MSH4: variants seen among roughly 807,000 people sequenced by gnomAD.
The protein encoded by MSH4 is mutS homolog 4, also known as mutS protein homolog 4.
A neutral mutation model predicts 113.7 loss-of-function variants in MSH4; 106 were observed. That is an observed-to-expected ratio of 0.93 (90% CI 0.80 to 1.10). The LOEUF (loss-of-function observed/expected upper bound fraction) is 1.10. Ranked by LOEUF, MSH4 falls within the 50% of genes least tolerant of loss-of-function variation. The probability of loss-of-function intolerance (pLI) is 0.00; values close to 1 mark genes in which losing one functional copy is unlikely to be tolerated. For missense variants in MSH4, 1,061 were observed against 1,093.7 expected, an observed-to-expected ratio of 0.97 and a Z score of 0.42; for synonymous variants, 368 against 380.2, an observed-to-expected ratio of 0.97 and a Z score of 0.37.
chr1:75,910,177 A>G (rs910024366), intron 19 of MSH4, among the ~76,000 whole-genome samples: 1 of 151,986 alleles, frequency 6.6e-6, no homozygotes, highest in Non-Finnish European at 1.5e-5. Flanking sequence ...TTCATTTCTC[A>G]TGTTTAAACT....
chr1:75,905,493 A>C (rs78886054), intron 19 of MSH4, among the ~76,000 whole-genome samples: 8,333 of 152,074 alleles, frequency 0.055, 331 homozygotes, highest in Non-Finnish European at 0.082. Context: ...AGACTGTTTC[A>C]TGTGATGATG....
intron 9 of MSH4, among the ~76,000 whole-genome samples, chr1:75,870,061 A>C (rs113174862): frequency 1.3e-5 from 2 of 152,338 alleles, no homozygotes; most frequent in African/African-American, 4.8e-5. Flanking sequence ...AGGCTATGGG[A>C]GTTCACTTCT....
intron 4 of MSH4, 85 bp downstream of exon 4, chr1:75,810,892 G>T: frequency 1.5e-6 from 1 of 666,664 alleles, no homozygotes; most frequent in South Asian, 2.7e-5. Flanking sequence ...ATTTTTTTGA[G>T]ACAGAGTTTC....
intron 8 of MSH4, among the ~76,000 whole-genome samples, chr1:75,864,620 C>T (rs913271059): frequency 4.6e-5 from 7 of 152,004 alleles, no homozygotes; most frequent in Non-Finnish European, 8.8e-5. Flanking sequence ...GTATATTGAC[C>T]ATTTGAATAT....
chr1:75,816,326 T>G, intron 5 of MSH4, 47 bp from the exon 6 acceptor site: 1 of 1,264,016 alleles, frequency 7.9e-7, no homozygotes. Context: ...AATAGATAAT[T>G]TTTTATATTA....
chr1:75,901,537 A>G (rs1652505798), intron 19 of MSH4, among the ~76,000 whole-genome samples: 1 of 152,070 alleles, frequency 6.6e-6, no homozygotes, highest in Admixed American at 6.6e-5. Context: ...TATTTACCAC[A>G]TTTTCTTTAT....
At chr1:75,894,777 T>C (rs1364516977) in intron 17 of MSH4, among the ~76,000 whole-genome samples, 4 of 152,172 alleles carry the variant, frequency 2.6e-5, no homozygotes, top group African/African-American at 7.2e-5. Context: ...TTACCAACCA[T>C]CTTGAAGTAG....
Position 75,883,171 on chromosome 1 carries a change from A to ATTT in MSH4, c.1907-436_1907-434dup, listed in dbSNP as rs11368450. ...AGGCATGAGCCATTACACCTGGCTA[A>ATTT]TTTTTTTTTTTTTTTTGTAGAGATA... On this transcript the variant is annotated intron_variant, in intron 14 of 19. Transcript: ENST00000263187. Among the ~76,000 whole-genome samples the ATTT allele has an allele frequency of 1.3e-3, 173 of 135,574 alleles. 1 individual carries two copies. Among genetic ancestry groups the ATTT allele is most frequent in the African/African-American group, 4.3e-3 (154 of 36,134 alleles). The allele number at this position is 135,574 out of a possible 152,430, so 88.9% of individuals were successfully genotyped here.
chr1:75,825,762 A>T (rs1650532652), intron 7 of MSH4, among the ~76,000 whole-genome samples: 1 of 152,154 alleles, frequency 6.6e-6, no homozygotes, highest in African/African-American at 2.4e-5. Context: ...GTGACAGATT[A>T]CATTTAGTGA....
chr1:75,820,406 C>T lies in MSH4; in HGVS notation c.990-2003C>T, dbSNP rs187789180. ...TTCAGAAGGAATGGTACCAGCTCCT[C>T]CTTGTATCTCTGGTAGAATTTGGCT... On this transcript the variant is annotated intron_variant, in intron 6 of 19. Transcript: ENST00000263187. Among the ~76,000 whole-genome samples the T allele has an allele frequency of 2.0e-5, 3 of 152,342 alleles. No individual in the cohort carries two copies. The East Asian group carries it at 5.8e-4, about 29-fold the overall frequency.
intron 7 of MSH4, 58 bp from the exon 8 acceptor site, chr1:75,848,151 T>C: frequency 2.8e-6 from 3 of 1,078,014 alleles, no homozygotes; most frequent in Non-Finnish European, 4.2e-6. Context: ...TTTTACATAG[T>C]CAATATTTTG....
At chr1:75,808,082 A>T (rs1650107123) in intron 3 of MSH4, among the ~76,000 whole-genome samples, 1 of 152,158 alleles carries the variant, frequency 6.6e-6, no homozygotes, top group African/African-American at 2.4e-5. Context: ...TTTGTACATC[A>T]TTTATTTGTG....
At chr1:75,886,697 A>G (rs1570990163) in intron 15 of MSH4, among the ~76,000 whole-genome samples, 1 of 131,094 alleles carries the variant, frequency 7.6e-6, no homozygotes, top group South Asian at 2.2e-4. Flanking sequence ...AATGTATAAT[A>G]TATAAATATA....
At chr1:75,872,854 G>C (rs1245837067) in intron 9 of MSH4, among the ~76,000 whole-genome samples, 1 of 152,156 alleles carries the variant, frequency 6.6e-6, no homozygotes, top group African/African-American at 2.4e-5. Flanking sequence ...AGTTTGCCAA[G>C]GTCATTGCTG....
chr1:75,912,908 T>C lies in MSH4; in HGVS notation c.*21T>C. ...AATAATCACAATTCTAATGTAATAATATATCTTAATTCAAGGAACCTAGAA... is the reference window on the plus strand; with the variant it reads ...AATAATCACAATTCTAATGTAATAACATATCTTAATTCAAGGAACCTAGAA... On this transcript the variant is annotated 3_prime_UTR_variant, in exon 20 of 20. Transcript: ENST00000263187. 1 of 1,393,010 alleles carries C rather than the reference T, an allele frequency of 7.2e-7. No individual in the cohort carries two copies. Among genetic ancestry groups the C allele is most frequent in the Non-Finnish European group, 9.5e-7 (1 of 1,052,188 alleles). 86.3% of individuals were successfully genotyped at this position (1,393,010 alleles called of 1,614,324 possible).
chr1:75,907,707 T>C (rs1461459516), intron 19 of MSH4, among the ~76,000 whole-genome samples: 3 of 133,568 alleles, frequency 2.2e-5, no homozygotes, highest in Admixed American at 1.5e-4. Context: ...TATATATATA[T>C]ATATATATAT....
At chr1:75,891,465 A>G (rs528534746) in intron 17 of MSH4, among the ~76,000 whole-genome samples, 1 of 152,076 alleles carries the variant, frequency 6.6e-6, no homozygotes, top group East Asian at 1.9e-4. Context: ...ATATTTATTT[A>G]TTTTTTGAGA....
At chr1:75,817,809 T>A (rs921420762) in intron 6 of MSH4, among the ~76,000 whole-genome samples, 1 of 151,262 alleles carries the variant, frequency 6.6e-6, no homozygotes, top group African/African-American at 2.4e-5. Context: ...AAAAAAAATG[T>A]ACATGTGATG....
At position 75,913,097 on chromosome 1, in the gene MSH4, G is replaced by A. The variant is rs1399099493; in HGVS notation, c.*210G>A. The A allele has an allele frequency of 1.9e-5, 5 of 261,986 alleles. No homozygotes were observed. Among genetic ancestry groups the A allele is most frequent in the Middle Eastern group, 1.1e-3 (1 of 900 alleles). The allele number at this position is 261,986 out of a possible 1,614,324, so 16.2% of individuals were successfully genotyped here. A position where few individuals can be genotyped will look rare whatever the true frequency, so the allele number is the denominator to read the frequency against. ...AACTACTTAAAGGAATGGTTTTTAT[G>A]TTAGGAGAAAATACAATACACCACT... On this transcript the variant is annotated 3_prime_UTR_variant, in exon 20 of 20. Coordinates refer to ENST00000263187, the MANE Select transcript of MSH4 (RefSeq NM_002440.4).
Sources: allele counts gnomAD v4.1 joint callset (sites outside exome capture counted in the v4.1 genomes callset), GRCh38; gene constraint gnomAD v4.1.1; transcripts MANE v1.5; gene names NCBI Gene and HGNC (gene_info 2026-07-23, HGNC 2026-07-21).